ERC2: variants seen among roughly 807,000 people sequenced by gnomAD.
ERC2 encodes ELKS/RAB6-interacting/CAST family member 2, also known as ERC protein 2.
Under a neutral mutation model 114.8 loss-of-function variants are expected in ERC2, and 42 were observed. That is an observed-to-expected ratio of 0.37 (90% CI 0.29 to 0.47). The LOEUF is 0.47. ERC2 is among the 20% of genes least tolerant of loss of function. ERC2 has a pLI of 0.99. For missense variants in ERC2, 939 were observed against 1,150.7 expected, an observed-to-expected ratio of 0.82 and a Z score of 2.66; for synonymous variants, 454 against 425.5, an observed-to-expected ratio of 1.07 and a Z score of -0.82.
At chr3:55,569,113 C>T (rs957593841) in intron 17 of ERC2, among the ~76,000 whole-genome samples, 42 of 152,142 alleles carry the variant, frequency 2.8e-4, no homozygotes, top group African/African-American at 9.7e-4. Flanking sequence ...GGGGGAGGGG[C>T]TGCACATTAC....
chr3:56,273,387 A>G (rs1230270298), intron 3 of ERC2, among the ~76,000 whole-genome samples: 1 of 151,308 alleles, frequency 6.6e-6, no homozygotes, highest in Non-Finnish European at 1.5e-5. Context: ...CCAAGTACCA[A>G]GGACCACAGG....
At chr3:56,104,663 G>A (rs913737648) in intron 6 of ERC2, among the ~76,000 whole-genome samples, 13 of 150,648 alleles carry the variant, frequency 8.6e-5, no homozygotes, top group Non-Finnish European at 2.9e-5. Flanking sequence ...ACATTTTAGG[G>A]CCTGTCTGGG....
intron 12 of ERC2, chr3:55,955,248 TTGTGTGTGTGTGTGTG>T (rs60633794): frequency 0.018 from 6,391 of 358,454 alleles, 39 homozygotes; most frequent in Non-Finnish European, 0.025. Flanking sequence ...GGTGGTGTGT[TTGTGTGTGTGTGTGTG>T]TGTGTGTGTG....
At chr3:55,898,172 T>C (rs896294501) in intron 13 of ERC2, among the ~76,000 whole-genome samples, 4 of 152,168 alleles carry the variant, frequency 2.6e-5, no homozygotes, top group Non-Finnish European at 5.9e-5. Context: ...AGAGTACAAA[T>C]GAATGACACT....
chr3:56,319,154 T>C (rs777377981), intron 2 of ERC2, among the ~76,000 whole-genome samples: 2 of 151,988 alleles, frequency 1.3e-5, no homozygotes, highest in African/African-American at 2.4e-5. Flanking sequence ...TCCAAAAGAA[T>C]TGAAATCAGG....
chr3:56,196,040 A>C (rs948305987), intron 3 of ERC2, among the ~76,000 whole-genome samples: 20 of 152,150 alleles, frequency 1.3e-4, no homozygotes, highest in African/African-American at 4.6e-4. Context: ...AAGCACGAGG[A>C]GAGTATATGC....
At chr3:56,300,102 G>A (rs2055763005) in intron 2 of ERC2, among the ~76,000 whole-genome samples, 1 of 151,996 alleles carries the variant, frequency 6.6e-6, no homozygotes, top group African/African-American at 2.4e-5. Context: ...ATGAAGATAA[G>A]GTGGCAAGTG....
intron 2 of ERC2, among the ~76,000 whole-genome samples, chr3:56,335,481 G>T (rs1452213): frequency 0.11 from 16,487 of 152,210 alleles, 1,052 homozygotes; most frequent in Admixed American, 0.16. Flanking sequence ...TGAGGGGTGA[G>T]TTCTGATAAG....
chr3:56,269,974 C>T (rs1477636985), intron 3 of ERC2, among the ~76,000 whole-genome samples: 2 of 152,068 alleles, frequency 1.3e-5, no homozygotes, highest in Non-Finnish European at 1.5e-5. Flanking sequence ...CATTGGAAGC[C>T]GTTCCAAGGA....
chr3:55,976,184 T>G (rs2069574214), intron 12 of ERC2, among the ~76,000 whole-genome samples: 1 of 152,170 alleles, frequency 6.6e-6, no homozygotes, highest in Non-Finnish European at 1.5e-5. Flanking sequence ...ATTATACAGG[T>G]GGGTCTCACC....
At chr3:55,778,738 G>A (rs1414532802) in intron 14 of ERC2, among the ~76,000 whole-genome samples, 1 of 152,184 alleles carries the variant, frequency 6.6e-6, no homozygotes, top group Admixed American at 6.5e-5. Context: ...CAAAGGATAT[G>A]AATATACAAA....
chr3:55,908,033 G>A (rs1297207043), intron 13 of ERC2, among the ~76,000 whole-genome samples: 3 of 152,100 alleles, frequency 2.0e-5, no homozygotes, highest in South Asian at 2.1e-4. Flanking sequence ...AAGTGATAGC[G>A]TTTAAATGAC....
chr3:56,340,976 T>C (rs2058067315), intron 2 of ERC2, among the ~76,000 whole-genome samples: 1 of 152,136 alleles, frequency 6.6e-6, no homozygotes, highest in Non-Finnish European at 1.5e-5. Flanking sequence ...GTTCCACTTC[T>C]TTGGGGGGGA....
intron 3 of ERC2, among the ~76,000 whole-genome samples, chr3:56,201,603 T>G (rs2048410234): frequency 1.3e-5 from 2 of 152,206 alleles, no homozygotes; most frequent in Non-Finnish European, 2.9e-5. Flanking sequence ...ATCCTCTGTT[T>G]ATACATATGC....
chr3:55,866,265 T>C (rs1373332934), intron 14 of ERC2, among the ~76,000 whole-genome samples: 1 of 152,176 alleles, frequency 6.6e-6, no homozygotes, highest in Non-Finnish European at 1.5e-5. Context: ...TCTACAGAAA[T>C]GTCTATTCAA....
At chr3:55,923,963 A>G (rs1390835602) in intron 13 of ERC2, among the ~76,000 whole-genome samples, 1 of 152,154 alleles carries the variant, frequency 6.6e-6, no homozygotes, top group Admixed American at 6.6e-5. Flanking sequence ...CCAGGTGGCA[A>G]TCTATTTATT....
intron 15 of ERC2, among the ~76,000 whole-genome samples, chr3:55,706,585 T>G (rs919629947): frequency 3.1e-4 from 47 of 151,956 alleles, no homozygotes; most frequent in African/African-American, 1.1e-3. Flanking sequence ...TTATTTTTTG[T>G]ATTTTTAGTA....
chr3:56,441,176 G>A (rs2062287918), intron 1 of ERC2, among the ~76,000 whole-genome samples: 1 of 152,160 alleles, frequency 6.6e-6, no homozygotes, highest in Admixed American at 6.5e-5. Context: ...CACACAGAAC[G>A]GCCCTGGAAG....
chr3:56,253,088 C>T (rs182717160), intron 3 of ERC2, among the ~76,000 whole-genome samples: 1 of 152,292 alleles, frequency 6.6e-6, no homozygotes, highest in East Asian at 1.9e-4. Context: ...CTCCAACTCT[C>T]ACACCTGTTC....
Sources: gnomAD v4.1 joint callset for allele counts (sites outside exome capture counted in the v4.1 genomes callset) on GRCh38, gnomAD v4.1.1 for gene constraint, MANE v1.5 for transcripts, NCBI Gene and HGNC (gene_info 2026-07-23, HGNC 2026-07-21) for gene names.